Variants in NCOA3 observed in about 807,000 individuals in gnomAD.
NCOA3 encodes CBP-interacting protein.
NCOA3 carries 51 observed loss-of-function variants against 158.8 expected under a neutral mutation model. The ratio of observed to expected loss-of-function variants is 0.32; its 90% CI spans 0.26 to 0.41. The LOEUF is 0.41. Ranked by LOEUF, NCOA3 falls within the 10% of genes least tolerant of loss-of-function variation. The pLI, the probability that NCOA3 is intolerant of heterozygous loss-of-function variation, is 1.00. For synonymous variants in NCOA3, 537 were observed against 592.4 expected (o/e 0.91, Z 1.36); for missense variants, 1,510 against 1,746.6 (o/e 0.86, Z 2.41).
chr20:47,605,026 C>G (rs1053283859), intron 2 of NCOA3, among the ~76,000 whole-genome samples: 2 of 152,158 alleles, frequency 1.3e-5, no homozygotes, highest in Non-Finnish European at 1.5e-5. Context: ...TGCCACTACC[C>G]CCGGCCAATC....
intron 1 of NCOA3, among the ~76,000 whole-genome samples, chr20:47,529,021 C>T (rs1346767273): frequency 1.3e-5 from 2 of 152,158 alleles, no homozygotes; most frequent in African/African-American, 4.8e-5. Flanking sequence ...CCCGCCTTGG[C>T]CTCCCAGAGT....
chr20:47,524,471 A>C (rs1001559330), intron 1 of NCOA3, among the ~76,000 whole-genome samples: 1 of 152,216 alleles, frequency 6.6e-6, no homozygotes, highest in African/African-American at 2.4e-5. Flanking sequence ...TTCCTGGCCC[A>C]TGCACCAAAA....
chr20:47,507,484 T>C (rs1471814085), intron 1 of NCOA3, among the ~76,000 whole-genome samples: 1 of 152,216 alleles, frequency 6.6e-6, no homozygotes, highest in African/African-American at 2.4e-5. Flanking sequence ...ACCATCTAAG[T>C]GTGGTCAGAA....
At chr20:47,624,119 G>A in intron 4 of NCOA3, 36 bp downstream of exon 4, 11 of 1,559,082 alleles carry the variant, frequency 7.1e-6, no homozygotes, top group Non-Finnish European at 9.6e-6. Context: ...GAACAGTGGT[G>A]GTTCCCAACC....
chr20:47,605,605 C>T (rs747005662), intron 2 of NCOA3, among the ~76,000 whole-genome samples: 1 of 151,778 alleles, frequency 6.6e-6, no homozygotes, highest in African/African-American at 2.4e-5. Flanking sequence ...TACCTGTGAG[C>T]CTTGCTTTTG....
intron 2 of NCOA3, among the ~76,000 whole-genome samples, chr20:47,600,158 TTATA>T (rs936313008): frequency 1.4e-5 from 2 of 142,888 alleles, no homozygotes. Flanking sequence ...TTTATATATT[TTATA>T]TATATATATT....
rs114283193 is a variant in NCOA3, at chr20:47,638,548, A to G, written c.2513-460A>G. On this transcript the variant is annotated intron_variant, in intron 13 of 22. Transcript: ENST00000371998. ...ATAGATCAATTAAGAGTGGGGGGGAAAAAAAGAAGGTTAGAAGGGGATTTT... is the reference window on the plus strand; with the variant it reads ...ATAGATCAATTAAGAGTGGGGGGGAGAAAAAGAAGGTTAGAAGGGGATTTT... 1.8e-3 allele frequency among the ~76,000 whole-genome samples: 278 copies of G among 152,228 alleles called. 3 individuals carry two copies. The highest frequency in any genetic ancestry group is 6.2e-3 in the African/African-American group (258 of 41,522).
Position 47,575,774 on chromosome 20 carries a change from A to G in NCOA3, c.-98-7409A>G, listed in dbSNP as rs192665806. Reference sequence around the variant, plus strand: ...TAAAATTCAACTACCTATTGTGTCAAAGAGAGAAATATTGCTAACTACAAA... The same window carrying G: ...TAAAATTCAACTACCTATTGTGTCAGAGAGAGAAATATTGCTAACTACAAA... On this transcript the variant is annotated intron_variant, in intron 1 of 22. Transcript: ENST00000371998. 1.6e-4 allele frequency among the ~76,000 whole-genome samples: 25 copies of G among 152,344 alleles called. No homozygotes were observed. The Middle Eastern group carries it at 0.01, about 62-fold the overall frequency.
intron 20 of NCOA3, among the ~76,000 whole-genome samples, chr20:47,651,823 C>T (rs901708021): frequency 6.6e-6 from 1 of 151,570 alleles, no homozygotes; most frequent in African/African-American, 2.4e-5. Flanking sequence ...CCACCACCCC[C>T]GGCTGTTTTT....
intron 1 of NCOA3, among the ~76,000 whole-genome samples, chr20:47,578,963 G>A (rs929466525): frequency 2.0e-5 from 3 of 152,160 alleles, no homozygotes; most frequent in Non-Finnish European, 4.4e-5. Context: ...TGCCCTGTTG[G>A]TGTTTCCAAG....
At chr20:47,623,742 C>A (rs184792904) in intron 3 of NCOA3, among the ~76,000 whole-genome samples, 169 bp from the exon 4 acceptor site, 1 of 151,482 alleles carries the variant, frequency 6.6e-6, no homozygotes, top group Non-Finnish European at 1.5e-5. Flanking sequence ...GAGCCAAAGT[C>A]GCACCGTTGT....
chr20:47,601,175 G>C (rs1363934682), intron 2 of NCOA3, among the ~76,000 whole-genome samples: 8 of 152,192 alleles, frequency 5.3e-5, no homozygotes, highest in Admixed American at 5.2e-4. Context: ...GAAGAGGAAG[G>C]GGAAGCAGGC....
At chr20:47,522,353 C>T (rs1268826711) in intron 1 of NCOA3, among the ~76,000 whole-genome samples, 3 of 150,556 alleles carry the variant, frequency 2.0e-5, no homozygotes, top group Non-Finnish European at 1.5e-5. Flanking sequence ...CTGCCCGCGT[C>T]GGCAAAGTGC....
At chr20:47,508,469 T>C (rs988334182) in intron 1 of NCOA3, among the ~76,000 whole-genome samples, 2 of 152,222 alleles carry the variant, frequency 1.3e-5, no homozygotes, top group African/African-American at 4.8e-5. Flanking sequence ...GTGGTATTGT[T>C]CCTCCATCTC....
chr20:47,507,244 AAC>A (rs1376411509), intron 1 of NCOA3, among the ~76,000 whole-genome samples: 4 of 152,230 alleles, frequency 2.6e-5, no homozygotes, highest in Non-Finnish European at 5.9e-5. Context: ...TATTGTTTAA[AAC>A]AGTCTTTTTG....
chr20:47,508,662 CA>C (rs2084066487), intron 1 of NCOA3, among the ~76,000 whole-genome samples: 1 of 152,186 alleles, frequency 6.6e-6, no homozygotes, highest in Admixed American at 6.5e-5. Flanking sequence ...CCTAAACTGA[CA>C]TTTTTATAAA....
chr20:47,519,608 C>T (rs776460517), intron 1 of NCOA3, among the ~76,000 whole-genome samples: 2 of 151,670 alleles, frequency 1.3e-5, no homozygotes, highest in African/African-American at 2.4e-5. Context: ...GATAAAAAGA[C>T]GGTGATTAAG....
chr20:47,518,420 G>T (rs1398922475), intron 1 of NCOA3, among the ~76,000 whole-genome samples: 5 of 132,888 alleles, frequency 3.8e-5, no homozygotes, highest in African/African-American at 8.4e-5. Context: ...TTCTTTTTCT[G>T]TTTTTTTTTT....
intron 1 of NCOA3, among the ~76,000 whole-genome samples, chr20:47,553,435 A>G (rs112749586): frequency 2.0e-5 from 3 of 151,760 alleles, no homozygotes; most frequent in Admixed American, 6.6e-5. Flanking sequence ...TTTAGGGTAC[A>G]TGTGCACAAT....
Sources: gnomAD v4.1 joint callset for allele counts (sites outside exome capture counted in the v4.1 genomes callset) on GRCh38, gnomAD v4.1.1 for gene constraint, MANE v1.5 for transcripts, NCBI Gene and HGNC (gene_info 2026-07-23, HGNC 2026-07-21) for gene names.